PRDM16: variants seen among roughly 807,000 people sequenced by gnomAD.
The protein encoded by PRDM16 is histone-lysine N-methyltransferase PRDM16.
Under a neutral mutation model 110.6 loss-of-function variants are expected in PRDM16, and 23 were observed. That is an observed-to-expected ratio of 0.21 (90% CI 0.15 to 0.29). The LOEUF is 0.29. PRDM16 is among the 10% of genes least tolerant of loss of function. The pLI is 1.00. For synonymous variants in PRDM16, 799 were observed against 781.8 expected, an observed-to-expected ratio of 1.02 and a Z score of -0.37; for missense variants, 1,615 against 1,794.3, an observed-to-expected ratio of 0.90 and a Z score of 1.81.
intron 3 of PRDM16, among the ~76,000 whole-genome samples, chr1:3,283,061 G>C (rs1221675734): frequency 2.0e-5 from 3 of 152,250 alleles, no homozygotes; most frequent in African/African-American, 7.2e-5. Context: ...GTGGGAGGCA[G>C]CGCTTCCCGA....
chr1:3,313,853 G>C (rs373114870), intron 3 of PRDM16, among the ~76,000 whole-genome samples: 1 of 152,246 alleles, frequency 6.6e-6, no homozygotes, highest in African/African-American at 2.4e-5. Context: ...ATCTGGACCC[G>C]GCCCAGCGTC....
intron 1 of PRDM16, among the ~76,000 whole-genome samples, chr1:3,089,696 A>G (rs1642230617): frequency 6.6e-6 from 1 of 152,218 alleles, no homozygotes. Context: ...CTGGTCTGGC[A>G]TTGTCGAATT....
chr1:3,297,227 G>A (rs181716057), intron 3 of PRDM16, among the ~76,000 whole-genome samples: 54 of 151,928 alleles, frequency 3.6e-4, no homozygotes, highest in African/African-American at 8.7e-4. Context: ...TGTCCATTTC[G>A]GGTGAGACCC....
intron 4 of PRDM16, among the ~76,000 whole-genome samples, chr1:3,395,789 A>G (rs1643376778): frequency 6.6e-6 from 1 of 152,184 alleles, no homozygotes; most frequent in African/African-American, 2.4e-5. Flanking sequence ...AGCCCCCAAC[A>G]GCACTGCTCA....
At chr1:3,300,992 G>C (rs1641195220) in intron 3 of PRDM16, among the ~76,000 whole-genome samples, 2 of 152,134 alleles carry the variant, frequency 1.3e-5, no homozygotes, top group Non-Finnish European at 2.9e-5. Flanking sequence ...TCAAGTGCAA[G>C]GCTGCACTCC....
chr1:3,396,772 G>T (rs1643392999), intron 5 of PRDM16, among the ~76,000 whole-genome samples, 179 bp downstream of exon 5: 1 of 152,196 alleles, frequency 6.6e-6, no homozygotes, highest in African/African-American at 2.4e-5. Context: ...AGCAGAAATT[G>T]CCCGCCTCCA....
chr1:3,155,546 T>C (rs1403291060), intron 1 of PRDM16, among the ~76,000 whole-genome samples: 3 of 152,218 alleles, frequency 2.0e-5, no homozygotes, highest in Non-Finnish European at 4.4e-5. Context: ...TCTGTTTTCC[T>C]TTTTCCTTCC....
At chr1:3,240,056 A>AGGAGGAGAGGAGAGGAGAGG (rs1220138751) in intron 2 of PRDM16, among the ~76,000 whole-genome samples, 4 of 103,398 alleles carry the variant, frequency 3.9e-5, no homozygotes, top group African/African-American at 1.6e-4. Context: ...AGGAGAGGAG[A>AGGAGGAGAGGAGAGGAGAGG]AGAGGAGAGG....
chr1:3,383,244 G>A (rs1412951050), intron 3 of PRDM16, among the ~76,000 whole-genome samples: 1 of 152,214 alleles, frequency 6.6e-6, no homozygotes, highest in East Asian at 1.9e-4. Context: ...GAGCCAGAAG[G>A]GGCCCAGGGG....
At chr1:3,090,223 G>T (rs932632519) in intron 1 of PRDM16, among the ~76,000 whole-genome samples, 1 of 152,254 alleles carries the variant, frequency 6.6e-6, no homozygotes, top group Non-Finnish European at 1.5e-5. Flanking sequence ...CACAGGACAT[G>T]CAGCGTCCAG....
intron 3 of PRDM16, among the ~76,000 whole-genome samples, chr1:3,368,292 C>T (rs1228564784): frequency 3.3e-5 from 5 of 152,214 alleles, no homozygotes; most frequent in Admixed American, 1.3e-4. Flanking sequence ...GGCCAGGCTC[C>T]GACACCTCTG....
chr1:3,131,734 T>C (rs2817180), intron 1 of PRDM16, among the ~76,000 whole-genome samples: 85,562 of 152,096 alleles, frequency 0.56, 26,917 homozygotes, highest in African/African-American at 0.86. Context: ...GGTGATGGTG[T>C]GGTGCAGGCC....
At chr1:3,397,966 T>C (rs1227851656) in intron 5 of PRDM16, among the ~76,000 whole-genome samples, 3 of 152,194 alleles carry the variant, frequency 2.0e-5, no homozygotes, top group Non-Finnish European at 4.4e-5. Context: ...CACAGAAGGA[T>C]AGTTTAACAA....
chr1:3,142,768 G>A (rs1391302037), intron 1 of PRDM16, among the ~76,000 whole-genome samples: 2 of 152,228 alleles, frequency 1.3e-5, no homozygotes, highest in East Asian at 3.9e-4. Flanking sequence ...TTCCCTGCCC[G>A]CCAAGCTGTG....
chr1:3,381,310 G>A (rs796519449), intron 3 of PRDM16, among the ~76,000 whole-genome samples: 3 of 152,070 alleles, frequency 2.0e-5, no homozygotes, highest in African/African-American at 7.3e-5. Context: ...ACTTAAAATA[G>A]TGGGACACGG....
chr1:3,365,546 G>A (rs181702986), intron 3 of PRDM16, among the ~76,000 whole-genome samples: 1 of 152,344 alleles, frequency 6.6e-6, no homozygotes, highest in East Asian at 1.9e-4. Context: ...ACCATGGGGT[G>A]ATCCATGGGG....
intron 3 of PRDM16, among the ~76,000 whole-genome samples, chr1:3,285,558 G>T (rs1480853302): frequency 6.6e-6 from 1 of 152,124 alleles, no homozygotes; most frequent in African/African-American, 2.4e-5. Flanking sequence ...CGGGAGCTTG[G>T]AGCTGTGACA....
At chr1:3,253,188 T>TTTTAA (rs761426804) in intron 3 of PRDM16, among the ~76,000 whole-genome samples, 1 of 152,076 alleles carries the variant, frequency 6.6e-6, no homozygotes, top group South Asian at 2.1e-4. Flanking sequence ...ACACTCTTTT[T>TTTTAA]TTTAATTTAA....
At chr1:3,083,151 G>T (rs6674036) in intron 1 of PRDM16, among the ~76,000 whole-genome samples, 81,451 of 152,084 alleles carry the variant, frequency 0.54, 22,872 homozygotes, top group East Asian at 0.65. Context: ...AGCCGGGCAG[G>T]CTCCTCTGGA....
Sources: allele counts gnomAD v4.1 joint callset (sites outside exome capture counted in the v4.1 genomes callset), GRCh38; gene constraint gnomAD v4.1.1; transcripts MANE v1.5; gene names NCBI Gene and HGNC (gene_info 2026-07-23, HGNC 2026-07-21).